Variants in OPCML observed in about 807,000 individuals in gnomAD.
OPCML encodes opioid-binding protein/cell adhesion molecule.
OPCML carries 13 observed loss-of-function variants against 37.8 expected under a neutral mutation model. The ratio of observed to expected loss-of-function variants is 0.34; its 90% CI spans 0.22 to 0.55. The LOEUF is 0.55. Ranked by LOEUF, OPCML falls within the 20% of genes least tolerant of loss-of-function variation. OPCML has a pLI of 0.91. For missense variants in OPCML, 341 were observed against 435.6 expected (o/e 0.78, Z 1.93); for synonymous variants, 176 against 168.8 (o/e 1.04, Z -0.33).
intron 2 of OPCML, among the ~76,000 whole-genome samples, chr11:132,735,715 C>G (rs1945233201): frequency 6.6e-6 from 1 of 152,154 alleles, no homozygotes; most frequent in South Asian, 2.1e-4. Context: ...GATCTCCTGA[C>G]CTTGTGATCC....
At chr11:132,889,256 T>G (rs1440037574) in intron 2 of OPCML, among the ~76,000 whole-genome samples, 1 of 152,208 alleles carries the variant, frequency 6.6e-6, no homozygotes, top group African/African-American at 2.4e-5. Context: ...CCTTCTGTTC[T>G]TACGTTAAAA....
intron 2 of OPCML, among the ~76,000 whole-genome samples, chr11:132,858,141 C>A (rs879744760): frequency 6.6e-5 from 10 of 152,186 alleles, no homozygotes; most frequent in Non-Finnish European, 1.3e-4. Flanking sequence ...TATCTGACAG[C>A]CTAATTTTCT....
intron 1 of OPCML, among the ~76,000 whole-genome samples, chr11:133,041,474 A>G (rs1347033252): frequency 6.6e-6 from 1 of 152,116 alleles, no homozygotes; most frequent in Admixed American, 6.5e-5. Flanking sequence ...TGCACTTGTC[A>G]ATTGCCTGGA....
At chr11:132,597,976 T>C (rs954485994) in intron 3 of OPCML, among the ~76,000 whole-genome samples, 2 of 152,166 alleles carry the variant, frequency 1.3e-5, no homozygotes, top group African/African-American at 2.4e-5. Flanking sequence ...TTTTCCACTT[T>C]ACTCATTTCT....
chr11:132,844,182 T>C (rs183519666), intron 2 of OPCML, among the ~76,000 whole-genome samples: 1 of 152,358 alleles, frequency 6.6e-6, no homozygotes, highest in Admixed American at 6.5e-5. Context: ...CACGTGGAAC[T>C]GTAAATCCAG....
intron 2 of OPCML, among the ~76,000 whole-genome samples, chr11:132,866,859 G>C (rs754721231): frequency 6.6e-6 from 1 of 152,184 alleles, no homozygotes; most frequent in Non-Finnish European, 1.5e-5. Context: ...TTGCATCTCT[G>C]TACTTTGACT....
rs535494966 is a variant in OPCML, at chr11:132,633,056, C to T, written c.379+24031G>A. ...ATTACAAGTGGACTGAGCTGGGTGA[C>T]GGTGGAGCATGAGGAAGTGCAGTCT... On this transcript the variant is annotated intron_variant, in intron 3 of 7. Coordinates refer to ENST00000524381, the MANE Select transcript of OPCML (RefSeq NM_001012393.5). Among the ~76,000 whole-genome samples the T allele has an allele frequency of 7.2e-5, 11 of 151,902 alleles. No individual in the cohort carries two copies. The East Asian group carries it at 1.4e-3, about 19-fold the overall frequency.
At position 132,437,011 on chromosome 11, in the gene OPCML, A is replaced by G. The variant is rs573533086; in HGVS notation, c.643+211T>C. 1.9e-3 allele frequency: 1,599 copies of G among 858,260 alleles called. 3 individuals carry two copies. The highest frequency in any genetic ancestry group is 2.1e-3 in the Non-Finnish European group (1,495 of 713,906). The allele number at this position is 858,260 out of a possible 1,614,324, so 53.2% of individuals were successfully genotyped here. Reference sequence around the variant, plus strand: ...CCTCCAAACCCATTCTCAGTTAACAATTCTCTCCATTTGCTGAAAACTCTG... The same window carrying G: ...CCTCCAAACCCATTCTCAGTTAACAGTTCTCTCCATTTGCTGAAAACTCTG... On this transcript the variant is annotated intron_variant, in intron 5 of 7. Coordinates refer to ENST00000524381, the MANE Select transcript of OPCML (RefSeq NM_001012393.5).
At position 132,569,970 on chromosome 11, in the gene OPCML, G is replaced by T. The variant is rs182424283; in HGVS notation, c.380-40784C>A. Among the ~76,000 whole-genome samples, 8 of 147,908 alleles carry T rather than the reference G, an allele frequency of 5.4e-5. No homozygotes were observed. In the South Asian group the frequency reaches 1.5e-3, roughly 28 times the overall value. The stretch of plus-strand genomic sequence containing the variant: ...TTCAGTGAAAAAAAAAAACCGAAAA[G>T]CTAATGAATCCAGGTGAAAGAAATG... On this transcript the variant is annotated intron_variant, in intron 3 of 7. Transcript: ENST00000524381.
chr11:132,916,903 T>C (rs1276654971), intron 2 of OPCML, among the ~76,000 whole-genome samples: 1 of 152,146 alleles, frequency 6.6e-6, no homozygotes, highest in African/African-American at 2.4e-5. Context: ...AAGTAGGAAA[T>C]TAAACTTTCA....
chr11:133,441,111 T>A (rs1325636915), intron 1 of OPCML, among the ~76,000 whole-genome samples: 1 of 151,810 alleles, frequency 6.6e-6, no homozygotes, highest in East Asian at 1.9e-4. Flanking sequence ...TAAAAATCAA[T>A]TATTATCTTA....
At chr11:132,533,363 T>C (rs7111443) in intron 3 of OPCML, among the ~76,000 whole-genome samples, 15,555 of 152,066 alleles carry the variant, frequency 0.1, 1,863 homozygotes, top group African/African-American at 0.29. Flanking sequence ...TCAATATAGA[T>C]AGAAATATAG....
intron 1 of OPCML, among the ~76,000 whole-genome samples, chr11:133,277,604 G>A (rs1382610566): frequency 6.6e-6 from 1 of 152,120 alleles, no homozygotes; most frequent in Non-Finnish European, 1.5e-5. Flanking sequence ...AGTTACGCGA[G>A]GCCAGGTGAG....
chr11:132,465,175 A>T (rs1006735588), intron 4 of OPCML, among the ~76,000 whole-genome samples: 1 of 152,114 alleles, frequency 6.6e-6, no homozygotes, highest in Non-Finnish European at 1.5e-5. Flanking sequence ...TCTCTCTATT[A>T]GCACATTGCC....
chr11:132,733,133 G>T lies in OPCML; in HGVS notation c.147-75814C>A, dbSNP rs1945135663. ...AAAAGATAAAAATCATCACGAAGAT[G>T]AAATAATTCTGGGAGCGAACATTTA... On this transcript the variant is annotated intron_variant, in intron 2 of 7. Transcript: ENST00000524381. Among the ~76,000 whole-genome samples the T allele has an allele frequency of 2.0e-5, 3 of 152,226 alleles. No homozygotes were observed. The South Asian group carries it at 6.2e-4, about 32-fold the overall frequency.
intron 1 of OPCML, chr11:133,025,927 GT>G (rs1947546562): frequency 4.0e-6 from 1 of 253,114 alleles, no homozygotes; most frequent in Non-Finnish European, 6.2e-6. Context: ...TAGAGATGGG[GT>G]TTCACCATGT....
intron 4 of OPCML, among the ~76,000 whole-genome samples, chr11:132,455,165 T>C (rs142357245): frequency 5.3e-5 from 8 of 152,352 alleles, no homozygotes; most frequent in Admixed American, 1.3e-4. Context: ...CGCATCTCAT[T>C]TCTGTTTAAT....
chr11:133,058,918 G>T (rs1440364021), intron 1 of OPCML, among the ~76,000 whole-genome samples: 1 of 152,222 alleles, frequency 6.6e-6, no homozygotes, highest in Non-Finnish European at 1.5e-5. Flanking sequence ...TTCCAAGCTT[G>T]CCTCACTGAC....
intron 1 of OPCML, among the ~76,000 whole-genome samples, chr11:133,082,828 G>A (rs1029836995): frequency 7.4e-5 from 11 of 148,872 alleles, no homozygotes; most frequent in African/African-American, 2.7e-4. Flanking sequence ...CACCAACCCG[G>A]AGAGGTCGCC....
Sources: gnomAD v4.1 joint callset for allele counts (sites outside exome capture counted in the v4.1 genomes callset) on GRCh38, gnomAD v4.1.1 for gene constraint, MANE v1.5 for transcripts, NCBI Gene and HGNC (gene_info 2026-07-23, HGNC 2026-07-21) for gene names.